Variants in NXPH1 observed in about 807,000 individuals in gnomAD.
NXPH1 encodes neurexophilin 1, also known as neurexophilin-1.
A neutral mutation model predicts 23.7 loss-of-function variants in NXPH1; 5 were observed. The ratio of observed to expected loss-of-function variants is 0.21; its 90% confidence interval spans 0.11 to 0.44. The LOEUF (loss-of-function observed/expected upper bound fraction) is 0.44, where lower values mean the gene tolerates loss of function less well. Ranked by LOEUF, NXPH1 falls within the 20% of genes least tolerant of loss-of-function variation. NXPH1 has a pLI of 0.99. For missense variants in NXPH1, 324 were observed against 321.6 expected (o/e 1.01, Z -0.06); for synonymous variants, 144 against 122.2 (o/e 1.18, Z -1.18).
At chr7:8,663,646 A>C (rs184298772) in intron 2 of NXPH1, among the ~76,000 whole-genome samples, 2 of 152,216 alleles carry the variant, frequency 1.3e-5, no homozygotes, top group Admixed American at 1.3e-4. Context: ...ATTAACATTA[A>C]TCTAATAGTC....
chr7:8,652,439 C>T (rs1292643522), intron 2 of NXPH1, among the ~76,000 whole-genome samples: 1 of 151,986 alleles, frequency 6.6e-6, no homozygotes, highest in African/African-American at 2.4e-5. Flanking sequence ...TACTTATTTC[C>T]ATATCGATAA....
At chr7:8,697,482 A>G (rs992169151) in intron 2 of NXPH1, among the ~76,000 whole-genome samples, 2 of 152,160 alleles carry the variant, frequency 1.3e-5, no homozygotes, top group African/African-American at 2.4e-5. Flanking sequence ...TTAGAAGTAG[A>G]CAGAAGACTC....
At chr7:8,582,661 G>T (rs752675130) in intron 2 of NXPH1, among the ~76,000 whole-genome samples, 10 of 152,268 alleles carry the variant, frequency 6.6e-5, no homozygotes, top group Middle Eastern at 3.4e-3. Context: ...TGTCTAGGGG[G>T]TTTTTATGGG....
chr7:8,659,713 C>G lies in NXPH1; in HGVS notation c.55-91295C>G, dbSNP rs139836865. Among the ~76,000 whole-genome samples the G allele has an allele frequency of 6.0e-3, 915 of 152,228 alleles. 12 individuals are homozygous for G. Among genetic ancestry groups the G allele is most frequent in the African/African-American group, 0.021 (859 of 41,548 alleles). The stretch of plus-strand genomic sequence containing the variant: ...AACCTGCACGTTGTGCACATGTACC[C>G]TAGAACTTAAAGTATAATAACAAAA... On this transcript the variant is annotated intron_variant, in intron 2 of 2. Transcript: ENST00000405863.
chr7:8,453,339 CA>C (rs572026945), intron 2 of NXPH1, among the ~76,000 whole-genome samples: 2 of 152,006 alleles, frequency 1.3e-5, no homozygotes, highest in Non-Finnish European at 2.9e-5. Context: ...AGGAAAGAGA[CA>C]AAAAACCCAC....
intron 2 of NXPH1, among the ~76,000 whole-genome samples, chr7:8,484,686 C>A (rs941486077): frequency 6.6e-6 from 1 of 152,216 alleles, no homozygotes; most frequent in Middle Eastern, 3.4e-3. Flanking sequence ...CAAGGTATCA[C>A]TTTTGAGAAG....
intron 2 of NXPH1, among the ~76,000 whole-genome samples, chr7:8,498,419 T>C (rs891510549): frequency 6.6e-6 from 1 of 152,082 alleles, no homozygotes; most frequent in Non-Finnish European, 1.5e-5. Flanking sequence ...TAATGACTAC[T>C]GGTTTATCAG....
intron 2 of NXPH1, among the ~76,000 whole-genome samples, chr7:8,626,063 A>AT (rs1454726341): frequency 1.3e-5 from 2 of 152,086 alleles, no homozygotes; most frequent in African/African-American, 2.4e-5. Flanking sequence ...ACAAGATGTT[A>AT]TTTTTTCTCA....
intron 2 of NXPH1, among the ~76,000 whole-genome samples, chr7:8,576,375 AG>A (rs1265261873): frequency 6.6e-6 from 1 of 152,184 alleles, no homozygotes; most frequent in Non-Finnish European, 1.5e-5. Flanking sequence ...AGGGAATAAA[AG>A]TGACAGCTGC....
In NXPH1 at chr7:8,751,093, C is replaced by T; in HGVS notation, c.140C>T (p.Thr47Ile). The change falls in exon 3 of 3, where the codon ACA becomes ATA. Residue 47 changes from threonine (T) to isoleucine (I), a missense_variant. Physicochemically the swap from Thr to Ile is moderately conservative, Grantham distance 89. Transcript: ENST00000405863. The surrounding 1 kb of genome is among the most constrained non-coding windows in gnomAD (Gnocchi z 4.5). Reference protein sequence around the residue: ...SSKSTLKHIWTESSKDLSISR... With the variant: ...SSKSTLKHIWIESSKDLSISR... The stretch of plus-strand genomic sequence containing the variant: ...AAATCCACACTAAAGCACATATGGA[C>T]AGAAAGCAGCAAAGACTTGTCTATC... 1 of 1,613,792 alleles carries T rather than the reference C, an allele frequency of 6.2e-7. No individual in the cohort carries two copies. Among genetic ancestry groups the T allele is most frequent in the Non-Finnish European group, 8.5e-7 (1 of 1,179,768 alleles).
At position 8,611,108 on chromosome 7, in the gene NXPH1, C is replaced by G. The variant is rs73237650; in HGVS notation, c.55-139900C>G. On this transcript the variant is annotated intron_variant, in intron 2 of 2. Transcript: ENST00000405863. ...TCATTCTCATTTTTTCCTTTTATTT[C>G]TAGTTGCCACATCATTGTACATATT... Among the ~76,000 whole-genome samples the G allele has an allele frequency of 4.1e-3, 629 of 152,204 alleles. 6 individuals carry two copies. The highest frequency in any genetic ancestry group is 0.014 in the African/African-American group (596 of 41,536).
At chr7:8,643,262 C>T (rs1477044896) in intron 2 of NXPH1, among the ~76,000 whole-genome samples, 1 of 151,996 alleles carries the variant, frequency 6.6e-6, no homozygotes, top group Non-Finnish European at 1.5e-5. Context: ...TTTATCTTGA[C>T]ATTAATTTTT....
chr7:8,618,022 AT>A, intron 2 of NXPH1, among the ~76,000 whole-genome samples: 1 of 152,094 alleles, frequency 6.6e-6, no homozygotes, highest in Non-Finnish European at 1.5e-5. Flanking sequence ...AAAGTTAAAA[AT>A]TTTTTAAAAG....
chr7:8,562,820 G>T (rs1818470458), intron 2 of NXPH1, among the ~76,000 whole-genome samples: 1 of 151,558 alleles, frequency 6.6e-6, no homozygotes, highest in African/African-American at 2.4e-5. Flanking sequence ...ATTTCAAAAA[G>T]ATTGAAAAAA....
intron 2 of NXPH1, among the ~76,000 whole-genome samples, chr7:8,472,886 C>T (rs1417651896): frequency 6.6e-6 from 1 of 152,144 alleles, no homozygotes; most frequent in Non-Finnish European, 1.5e-5. Context: ...TTCCTACAGG[C>T]TTCTAGAAGT....
chr7:8,448,305 C>G (rs934765474), intron 2 of NXPH1, among the ~76,000 whole-genome samples: 10 of 152,182 alleles, frequency 6.6e-5, no homozygotes, highest in Non-Finnish European at 1.5e-5. Context: ...AGAAAAAAGT[C>G]TTGCTAACAT....
intron 2 of NXPH1, among the ~76,000 whole-genome samples, chr7:8,649,502 C>A (rs1461136916): frequency 6.6e-6 from 1 of 152,056 alleles, no homozygotes; most frequent in African/African-American, 2.4e-5. Flanking sequence ...AAGACCAGGG[C>A]AAAATATTTC....
intron 2 of NXPH1, among the ~76,000 whole-genome samples, chr7:8,554,437 T>C (rs916500783): frequency 6.6e-6 from 1 of 151,632 alleles, no homozygotes; most frequent in African/African-American, 2.4e-5. Flanking sequence ...AATGTTGTGC[T>C]TATGGGGATG....
chr7:8,666,726 G>A (rs1156980020), intron 2 of NXPH1, among the ~76,000 whole-genome samples: 1 of 151,826 alleles, frequency 6.6e-6, no homozygotes, highest in Non-Finnish European at 1.5e-5. Flanking sequence ...GTATGTTTGG[G>A]TTTTCTATTT....
Sources: allele counts gnomAD v4.1 joint callset (sites outside exome capture counted in the v4.1 genomes callset), GRCh38; gene constraint gnomAD v4.1.1; non-coding constraint Gnocchi (gnomAD v3.1); transcripts MANE v1.5; gene names NCBI Gene and HGNC (gene_info 2026-07-23, HGNC 2026-07-21).